XRCC6: variants seen among roughly 807,000 people sequenced by gnomAD.
XRCC6 encodes X-ray repair cross complementing 6.
Under a neutral mutation model 65.7 loss-of-function variants are expected in XRCC6, and 5 were observed. The ratio of observed to expected loss-of-function variants is 0.08; its 90% CI spans 0.04 to 0.16. The LOEUF is 0.16. Among genes scored for constraint, XRCC6 ranks in the 10% least tolerant of loss-of-function variants. The pLI is 1.00. For synonymous variants in XRCC6, 270 were observed against 270.6 expected, an observed-to-expected ratio of 1.00 and a Z score of 0.02; for missense variants, 447 against 738.1, an observed-to-expected ratio of 0.61 and a Z score of 4.57.
intron 9 of XRCC6, among the ~76,000 whole-genome samples, chr22:41,656,193 G>A (rs2068042985): frequency 6.7e-6 from 1 of 148,964 alleles, no homozygotes; most frequent in South Asian, 2.2e-4. Flanking sequence ...ATTCCAGCCT[G>A]GGTGATAGCA....
intron 3 of XRCC6, among the ~76,000 whole-genome samples, chr22:41,633,319 C>G (rs890773890): frequency 6.6e-6 from 1 of 152,142 alleles, no homozygotes; most frequent in East Asian, 1.9e-4. Flanking sequence ...AGTAAATTGT[C>G]AGGTGATGCT....
At chr22:41,624,889 C>G (rs978138686) in intron 2 of XRCC6, among the ~76,000 whole-genome samples, 1 of 149,990 alleles carries the variant, frequency 6.7e-6, no homozygotes, top group Admixed American at 6.7e-5. Flanking sequence ...CCCAGCTACT[C>G]GGGAGGCTGA....
At chr22:41,659,754 G>A (rs1265442909) in intron 11 of XRCC6, among the ~76,000 whole-genome samples, 1 of 151,772 alleles carries the variant, frequency 6.6e-6, no homozygotes, top group Non-Finnish European at 1.5e-5. Flanking sequence ...GTGGGATCTC[G>A]GCTCACTGAA....
intron 7 of XRCC6, among the ~76,000 whole-genome samples, chr22:41,647,526 A>G (rs2067944962): frequency 6.7e-6 from 1 of 149,980 alleles, no homozygotes; most frequent in Non-Finnish European, 1.5e-5. Context: ...GGTTGCGGTG[A>G]GCCGAGATCA....
At chr22:41,646,489 CTT>C in intron 6 of XRCC6, among the ~76,000 whole-genome samples, 2 of 152,208 alleles carry the variant, frequency 1.3e-5, no homozygotes. Flanking sequence ...CAGTCTGAAA[CTT>C]TTTTGAGCAC....
chr22:41,659,542 G>T (rs1448301710), intron 11 of XRCC6, among the ~76,000 whole-genome samples: 1 of 151,918 alleles, frequency 6.6e-6, no homozygotes, highest in Non-Finnish European at 1.5e-5. Flanking sequence ...GTTTCACCAT[G>T]TTGGCCAGGC....
intron 6 of XRCC6, among the ~76,000 whole-genome samples, chr22:41,640,867 G>T (rs771381245): frequency 6.6e-6 from 1 of 152,174 alleles, no homozygotes; most frequent in Admixed American, 6.5e-5. Context: ...AGGCCTTGTT[G>T]TCAGATTGTT....
At chr22:41,625,907 C>T (rs1289936968) in intron 2 of XRCC6, among the ~76,000 whole-genome samples, 2 of 151,862 alleles carry the variant, frequency 1.3e-5, no homozygotes, top group East Asian at 1.9e-4. Context: ...TGACTAATCT[C>T]GGCTCGCTGC....
chr22:41,632,467 C>T (rs1016587114), intron 3 of XRCC6, among the ~76,000 whole-genome samples: 4 of 151,826 alleles, frequency 2.6e-5, no homozygotes, highest in Non-Finnish European at 4.4e-5. Context: ...AAAAATTAGC[C>T]GGGCATGGTA....
intron 6 of XRCC6, among the ~76,000 whole-genome samples, chr22:41,640,673 C>T (rs2067866013): frequency 6.6e-6 from 1 of 152,156 alleles, no homozygotes; most frequent in African/African-American, 2.4e-5. Context: ...CACTCATTGC[C>T]ACAGTTGTAG....
chr22:41,643,909 C>T (rs1183554903), intron 6 of XRCC6, among the ~76,000 whole-genome samples: 3 of 148,576 alleles, frequency 2.0e-5, no homozygotes, highest in African/African-American at 5.0e-5. Context: ...CTCTTGAACC[C>T]GGGAGGCGGA....
At position 41,628,185 on chromosome 22, in the gene XRCC6, A is replaced by C. The variant is rs538300003; in HGVS notation, c.150A>C (p.Glu50Asp). ...TTGATGCCTCCAAGGCTATGTTTGA[A>C]TCTCAGAGTGAAGATGAGTTGACAC... ...FLVDASKAMF[E>D]SQSEDELTPF... The change falls in exon 3 of 13, where the codon GAA becomes GAC. Residue 50 changes from glutamate to aspartate, a missense_variant. Transcript: ENST00000360079. 4 of 1,613,982 alleles carry C rather than the reference A, an allele frequency of 2.5e-6. No homozygotes were observed. The Admixed American group carries it at 6.7e-5, about 27-fold the overall frequency.
intron 10 of XRCC6, among the ~76,000 whole-genome samples, chr22:41,657,722 G>A (rs2068058592): frequency 6.6e-6 from 1 of 151,812 alleles, no homozygotes; most frequent in African/African-American, 2.4e-5. Flanking sequence ...GTTTCACCAT[G>A]TTGCCCAGGC....
chr22:41,637,581 C>T (rs757729170), intron 5 of XRCC6, 27 bp from the exon 6 acceptor site: 3 of 1,512,756 alleles, frequency 2.0e-6, no homozygotes, highest in South Asian at 2.6e-5. Flanking sequence ...TTTTTTCCTC[C>T]CTCACTTTTG....
At chr22:41,634,552 T>TC (rs1488660659) in intron 3 of XRCC6, among the ~76,000 whole-genome samples, 1 of 150,224 alleles carries the variant, frequency 6.7e-6, no homozygotes, top group East Asian at 2.0e-4. Context: ...CTCTCTTTTT[T>TC]TTTTTTTTTT....
chr22:41,663,029 C>T (rs575580590), intron 12 of XRCC6, among the ~76,000 whole-genome samples: 2 of 151,894 alleles, frequency 1.3e-5, no homozygotes, highest in Non-Finnish European at 2.9e-5. Context: ...TGCAGTGAGC[C>T]GAGACCACAC....
rs1601528457 is a variant in XRCC6, at chr22:41,628,338, C to T, written c.195+108C>T. On this transcript the variant is annotated intron_variant, in intron 3 of 12. Coordinates refer to ENST00000360079, the MANE Select transcript of XRCC6 (RefSeq NM_001469.5). The stretch of plus-strand genomic sequence containing the variant: ...CATTGGGAGGCCGAGACGGGCAGAT[C>T]ACTTGAGCCTAGGAGTTTGAGACCA... 3.0e-5 allele frequency: 26 copies of T among 862,254 alleles called. No individual in the cohort carries two copies. In the East Asian group the frequency reaches 6.8e-4, roughly 23 times the overall value. 53.4% of individuals were successfully genotyped at this position (862,254 alleles called of 1,614,324 possible). A position where few individuals can be genotyped will look rare whatever the true frequency, so the allele number is the denominator to read the frequency against.
At chr22:41,625,208 GCGGGAGAATCGCTTGAACA>G (rs539407400) in intron 2 of XRCC6, among the ~76,000 whole-genome samples, 223 of 152,358 alleles carry the variant, frequency 1.5e-3, no homozygotes, top group African/African-American at 5.3e-3. Context: ...GGAGGCTGAG[GCGGGAGAATCGCTTGAACA>G]CGGGAGGTGG....
intron 6 of XRCC6, among the ~76,000 whole-genome samples, chr22:41,638,078 A>C (rs2067828989): frequency 6.6e-6 from 1 of 151,982 alleles, no homozygotes; most frequent in Non-Finnish European, 1.5e-5. Context: ...CCACTGCCTC[A>C]CTGTCTTCCT....
Sources: gnomAD v4.1 joint callset for allele counts (sites outside exome capture counted in the v4.1 genomes callset) on GRCh38, gnomAD v4.1.1 for gene constraint, MANE v1.5 for transcripts, NCBI Gene and HGNC (gene_info 2026-07-23, HGNC 2026-07-21) for gene names.